ENAM: variants seen among roughly 807,000 people sequenced by gnomAD.
The protein encoded by ENAM is amelogenesis imperfecta 2, hypocalcification (autosomal dominant).
ENAM carries 21 observed loss-of-function variants against 33.6 expected under a neutral mutation model. That is an observed-to-expected ratio of 0.63 (90% CI 0.44 to 0.90). The LOEUF is 0.90. ENAM is among the 40% of genes least tolerant of loss of function. ENAM has a pLI of 0.00. For synonymous variants in ENAM, 473 were observed against 468.4 expected, an observed-to-expected ratio of 1.01 and a Z score of -0.13; for missense variants, 1,388 against 1,366.9, an observed-to-expected ratio of 1.02 and a Z score of -0.24.
chr4:70,629,204 C>T (rs1389842278), intron 1 of ENAM, among the ~76,000 whole-genome samples: 1 of 152,050 alleles, frequency 6.6e-6, no homozygotes, highest in Non-Finnish European at 1.5e-5. Context: ...TACATTTCCC[C>T]ATAGTGAAGT....
intron 8 of ENAM, among the ~76,000 whole-genome samples, chr4:70,638,263 A>C (rs1738508236): frequency 1.3e-5 from 2 of 152,202 alleles, no homozygotes. Flanking sequence ...AGAAGAACCA[A>C]ATGTATATCA....
Position 70,644,868 on chromosome 4 carries a change from C to A in ENAM, c.*13C>A. 1.9e-6 allele frequency: 3 copies of A among 1,607,842 alleles called. No individual in the cohort carries two copies. The highest frequency in any genetic ancestry group is 2.6e-6 in the Non-Finnish European group (3 of 1,174,400). On this transcript the variant is annotated 3_prime_UTR_variant, in exon 9 of 9. Transcript: ENST00000396073. ...ACTTCAGGCCTAGGGGTTATCCAAC[C>A]AAGCATTCTTGGGGAAAGAGAAATC...
In ENAM at chr4:70,643,478, G is replaced by A; in HGVS notation, c.2052G>A (p.Arg684=). 2 of 1,614,100 alleles carry A rather than the reference G, an allele frequency of 1.2e-6. No homozygotes were observed. Among genetic ancestry groups the A allele is most frequent in the Non-Finnish European group, 1.7e-6 (2 of 1,179,994 alleles). ...GCTTCAAAGGAGGCCCAACAGTTAGGCACTATGAAGGTGAACAATATACCT... is the reference window on the plus strand; with the variant it reads ...GCTTCAAAGGAGGCCCAACAGTTAGACACTATGAAGGTGAACAATATACCT... ...ELSFKGGPTV[R]HYEGEQYTSN... is the part of the protein sequence containing the mutation. The change falls in exon 9 of 9, where the codon AGG becomes AGA. Residue 684 remains arginine, a synonymous_variant. Coordinates refer to ENST00000396073, the MANE Select transcript of ENAM (RefSeq NM_031889.3).
chr4:70,638,641 A>G (rs1289888215), intron 8 of ENAM, among the ~76,000 whole-genome samples: 2 of 151,170 alleles, frequency 1.3e-5, no homozygotes, highest in Non-Finnish European at 2.9e-5. Flanking sequence ...ATGTATATAT[A>G]CATTTTGTAA....
chr4:70,641,959 C>A (rs1738607696), intron 8 of ENAM, 56 bp from the exon 9 acceptor site: 1 of 1,347,120 alleles, frequency 7.4e-7, no homozygotes, highest in Non-Finnish European at 1.1e-6. Context: ...AAATTCCAAA[C>A]AACACCATGG....
intron 3 of ENAM, 21 bp downstream of exon 3, chr4:70,631,759 A>G (rs752636063): frequency 1.2e-6 from 2 of 1,610,380 alleles, no homozygotes; most frequent in Non-Finnish European, 1.7e-6. Context: ...TTTAAATGTT[A>G]GCTCTTCTCT....
chr4:70,641,940 T>C (rs1346184930), intron 8 of ENAM, 75 bp from the exon 9 acceptor site: 3 of 1,021,000 alleles, frequency 2.9e-6, no homozygotes, highest in Non-Finnish European at 3.1e-6. Flanking sequence ...ATTTCCCTGT[T>C]ATACTAAAAA....
rs755342009 is a variant in ENAM at position 70,644,781 on chromosome 4, A to C, written c.3355A>C (p.Ser1119Arg). 8 of 1,614,082 alleles carry C rather than the reference A, an allele frequency of 5.0e-6. No homozygotes were observed. In the African/African-American group the frequency reaches 5.3e-5, roughly 11 times the overall value. ...NVDPLDADEH[S>R]PFEFLQRGTN... ...AGACCCACTTGATGCAGATGAACACAGTCCATTTGAATTCCTTCAAAGAGG... is the reference window on the plus strand; with the variant it reads ...AGACCCACTTGATGCAGATGAACACCGTCCATTTGAATTCCTTCAAAGAGG... The change falls in exon 9 of 9, where the codon AGT (serine) becomes CGT (arginine). Residue 1119 changes from serine to arginine, a missense_variant. Physicochemically the swap from Ser to Arg is moderately radical, Grantham distance 110 (BLOSUM62 -1). Coordinates refer to ENST00000396073, the MANE Select transcript of ENAM (RefSeq NM_031889.3).
In ENAM at chr4:70,646,816, G is replaced by A. The variant is rs1738772970; in HGVS notation, c.*1961G>A. 1 of 151,996 alleles carries A rather than the reference G, an allele frequency of 6.6e-6. No individual in the cohort carries two copies. Among genetic ancestry groups the A allele is most frequent in the Non-Finnish European group, 1.5e-5 (1 of 68,006 alleles). The allele number at this position is 151,996 out of a possible 1,614,324, so 9.4% of individuals were successfully genotyped here. A position where few individuals can be genotyped will look rare whatever the true frequency, so the allele number is the denominator to read the frequency against. On this transcript the variant is annotated 3_prime_UTR_variant, in exon 9 of 9. Coordinates refer to ENST00000396073, the MANE Select transcript of ENAM (RefSeq NM_031889.3). ...ATCCTTTCAAAATAAAAATGTTATT[G>A]TTTCACTAGTTTATTTTTCCAAATG...
In ENAM at chr4:70,634,538, T is replaced by A; in HGVS notation, c.441T>A (p.Pro147=). 1.2e-6 allele frequency: 2 copies of A among 1,614,006 alleles called. No individual in the cohort carries two copies. Among genetic ancestry groups the A allele is most frequent in the Non-Finnish European group, 1.7e-6 (2 of 1,179,996 alleles). The change falls in exon 6 of 9, where the codon CCT becomes CCA. Residue 147 remains proline, a synonymous_variant. Coordinates refer to ENST00000396073, the MANE Select transcript of ENAM (RefSeq NM_031889.3). ...TGAAGCAGCCATCACATAATCAACC[T>A]CAGCCCGAAGAGGAAGCTCAACCCC... ...RPLKQPSHNQ[P]QPEEEAQPPQ... is the part of the protein sequence containing the mutation.
At position 70,632,747 on chromosome 4, in the gene ENAM, G is replaced by A. The variant is rs374014042; in HGVS notation, c.210+55G>A. ...ATTTCTTGTTTATCTAGATAACTCC[G>A]TTATAAAGTTTGCCTTAGTCAATAG... On this transcript the variant is annotated intron_variant, in intron 5 of 8. Coordinates refer to ENST00000396073, the MANE Select transcript of ENAM (RefSeq NM_031889.3). 148 of 1,225,068 alleles carry A rather than the reference G, an allele frequency of 1.2e-4. 1 individual carries two copies. The Middle Eastern group carries it at 1.5e-3, about 13-fold the overall frequency. The allele number at this position is 1,225,068 out of a possible 1,614,324, so 75.9% of individuals were successfully genotyped here.
chr4:70,631,647 TA>T (rs1018295387), intron 2 of ENAM, 22 bp from the exon 3 acceptor site: 1 of 1,572,982 alleles, frequency 6.4e-7, no homozygotes, highest in African/African-American at 1.3e-5. Flanking sequence ...AGACCAAAAA[TA>T]AAAATCAATT....
In ENAM at chr4:70,634,528, A is replaced by G. The variant is rs1215379697; in HGVS notation, c.431A>G (p.His144Arg). ...AAGCGGCCTTTGAAGCAGCCATCACATAATCAACCTCAGCCCGAAGAGGAA... is the reference window on the plus strand; with the variant it reads ...AAGCGGCCTTTGAAGCAGCCATCACGTAATCAACCTCAGCCCGAAGAGGAA... ...PQKRPLKQPS[H>R]NQPQPEEEAQ... Residue 144 changes from histidine to arginine, a missense_variant, in exon 6 of 9, where the codon CAT becomes CGT. By Grantham distance (29) the His-to-Arg change is conservative. Transcript: ENST00000396073. 3 of 1,614,036 alleles carry G rather than the reference A, an allele frequency of 1.9e-6. No homozygotes were observed. The highest frequency in any genetic ancestry group is 2.2e-5 in the East Asian group (1 of 44,894).
At chr4:70,637,716 C>T in intron 7 of ENAM, 74 bp from the exon 8 acceptor site, 3 of 1,122,156 alleles carry the variant, frequency 2.7e-6, no homozygotes, top group South Asian at 2.5e-5. Context: ...TTTTTAGACA[C>T]CCTGAGTCTT....
At chr4:70,639,455 T>G (rs1374332269) in intron 8 of ENAM, among the ~76,000 whole-genome samples, 1 of 151,830 alleles carries the variant, frequency 6.6e-6, no homozygotes, top group Non-Finnish European at 1.5e-5. Context: ...CCGGGTATGG[T>G]GGTGCTGGCC....
At position 70,642,142 on chromosome 4, in the gene ENAM, G is replaced by T. The variant is rs541993951; in HGVS notation, c.716G>T (p.Gly239Val). The T allele has an allele frequency of 1.9e-6, 3 of 1,614,082 alleles. No individual in the cohort carries two copies. In the East Asian group the frequency reaches 6.7e-5, roughly 36 times the overall value. The change falls in exon 9 of 9, where the codon GGC becomes GTC. Residue 239 changes from glycine to valine, a missense_variant. Transcript: ENST00000396073. ...EEDPPKAESPGTEPTANSTVT... is the reference protein window; with the variant it reads ...EEDPPKAESPVTEPTANSTVT... ...GATCCTCCTAAAGCAGAAAGTCCAG[G>T]CACAGAACCCACAGCTAATTCAACA...
chr4:70,637,925 G>T (rs1738499849), intron 8 of ENAM, 82 bp downstream of exon 8: 3 of 1,059,750 alleles, frequency 2.8e-6, no homozygotes, highest in Admixed American at 3.4e-5. Flanking sequence ...TAATAAGAAA[G>T]TTAAAATCCA....
intron 7 of ENAM, among the ~76,000 whole-genome samples, chr4:70,636,524 T>A (rs556181462): frequency 6.6e-6 from 1 of 152,072 alleles, no homozygotes; most frequent in South Asian, 2.1e-4. Context: ...ATCCCAGCAC[T>A]TTGGGAAGCC....
At chr4:70,634,788 A>G (rs1259045919) in intron 6 of ENAM, among the ~76,000 whole-genome samples, 2 of 152,230 alleles carry the variant, frequency 1.3e-5, no homozygotes, top group African/African-American at 2.4e-5. Context: ...TAAATTACAG[A>G]GACAACATGG....
Sources: allele counts gnomAD v4.1 joint callset (sites outside exome capture counted in the v4.1 genomes callset), GRCh38; gene constraint gnomAD v4.1.1; transcripts MANE v1.5; gene names NCBI Gene and HGNC (gene_info 2026-07-23, HGNC 2026-07-21).